SLIT2: variants seen among roughly 807,000 people sequenced by gnomAD.
SLIT2 encodes the protein slit homolog 2 protein.
In SLIT2, 41 loss-of-function variants were observed where a neutral mutation model predicts 185.7. The ratio of observed to expected loss-of-function variants is 0.22; its 90% CI spans 0.17 to 0.29. The LOEUF is 0.29. Ranked by LOEUF, SLIT2 falls within the 10% of genes least tolerant of loss-of-function variation. The pLI, the probability that SLIT2 is intolerant of heterozygous loss-of-function variation, is 1.00. For missense variants in SLIT2, 1,571 were observed against 1,909.0 expected (o/e 0.82, Z 3.30); for synonymous variants, 693 against 680.2 (o/e 1.02, Z -0.29).
At chr4:20,559,872 A>G (rs952822444) in intron 26 of SLIT2, among the ~76,000 whole-genome samples, 3 of 151,952 alleles carry the variant, frequency 2.0e-5, no homozygotes, top group African/African-American at 4.8e-5. Flanking sequence ...TTGCCACCCT[A>G]TTATTGAAAC....
chr4:20,530,963 TA>T (rs879336596), intron 16 of SLIT2, among the ~76,000 whole-genome samples: 90 of 123,092 alleles, frequency 7.3e-4, no homozygotes, highest in East Asian at 4.3e-3. Flanking sequence ...CTGGAATGGC[TA>T]AAAAAAAAAA....
chr4:20,323,233 T>A (rs1181635549), intron 4 of SLIT2, among the ~76,000 whole-genome samples: 3 of 152,186 alleles, frequency 2.0e-5, no homozygotes, highest in Admixed American at 6.5e-5. Flanking sequence ...TGCAGGGTAT[T>A]TATTCGTATC....
chr4:20,518,947 A>G (rs1035418494), intron 11 of SLIT2, among the ~76,000 whole-genome samples: 1 of 151,980 alleles, frequency 6.6e-6, no homozygotes, highest in Admixed American at 6.6e-5. Context: ...ATACTTTAAC[A>G]TGCTTCTTTT....
chr4:20,253,066 A>G lies in SLIT2; in HGVS notation c.-750A>G, dbSNP rs558594692. On this transcript the variant is annotated 5_prime_UTR_variant, in exon 1 of 37. Transcript: ENST00000504154. ...CCAAGGACGCCGAGCGGGAGGCGGGATTGCCCAGACATCCTTCAGCGAAGT... is the reference window on the plus strand; with the variant it reads ...CCAAGGACGCCGAGCGGGAGGCGGGGTTGCCCAGACATCCTTCAGCGAAGT... Among the ~76,000 whole-genome samples the G allele has an allele frequency of 3.3e-5, 5 of 152,098 alleles. No individual in the cohort carries two copies. In the South Asian group the frequency reaches 1.0e-3, roughly 32 times the overall value.
At chr4:20,521,538 T>C (rs1427532525) in intron 12 of SLIT2, among the ~76,000 whole-genome samples, 1 of 152,224 alleles carries the variant, frequency 6.6e-6, no homozygotes, top group East Asian at 1.9e-4. Flanking sequence ...CACAATTTCA[T>C]TGTCCTTGTT....
At chr4:20,433,905 C>G (rs1231929071) in intron 4 of SLIT2, among the ~76,000 whole-genome samples, 1 of 152,150 alleles carries the variant, frequency 6.6e-6, no homozygotes, top group Admixed American at 6.5e-5. Context: ...CTGACCCCCC[C>G]AAATCTTTCT....
intron 9 of SLIT2, among the ~76,000 whole-genome samples, chr4:20,495,927 C>G (rs1391562622): frequency 6.6e-6 from 1 of 151,996 alleles, no homozygotes; most frequent in African/African-American, 2.4e-5. Context: ...GTGGAAATAT[C>G]TTTATAGATG....
chr4:20,341,154 A>C (rs1257064038), intron 4 of SLIT2, among the ~76,000 whole-genome samples: 1 of 152,222 alleles, frequency 6.6e-6, no homozygotes, highest in Non-Finnish European at 1.5e-5. Context: ...TTGTAGGAGT[A>C]TTTGAAAGTA....
chr4:20,292,619 G>A (rs1198563804), intron 4 of SLIT2, among the ~76,000 whole-genome samples: 2 of 152,088 alleles, frequency 1.3e-5, no homozygotes, highest in African/African-American at 2.4e-5. Context: ...TTTTTTATTA[G>A]CAATGATAAA....
intron 22 of SLIT2, among the ~76,000 whole-genome samples, chr4:20,547,922 A>G (rs999482831): frequency 2.0e-5 from 3 of 152,034 alleles, no homozygotes; most frequent in Non-Finnish European, 2.9e-5. Flanking sequence ...TGTGACCATG[A>G]CTCAGCCAGG....
In SLIT2 at chr4:20,569,020, A is replaced by C. The variant is rs1393577769; in HGVS notation, c.3088+16A>C. 2 of 1,609,474 alleles carry C rather than the reference A, an allele frequency of 1.2e-6. No individual in the cohort carries two copies. Among genetic ancestry groups the C allele is most frequent in the East Asian group, 4.5e-5 (2 of 44,732 alleles). ...GAGTATACAGGTACAAATAATAGGAAATATTTTGCCTTCCATCAGTATATC... is the reference window on the plus strand; with the variant it reads ...GAGTATACAGGTACAAATAATAGGACATATTTTGCCTTCCATCAGTATATC... On this transcript the variant is annotated intron_variant, in intron 29 of 36. Coordinates refer to ENST00000504154, the MANE Select transcript of SLIT2 (RefSeq NM_004787.4).
intron 4 of SLIT2, among the ~76,000 whole-genome samples, chr4:20,384,186 A>G (rs1401962071): frequency 6.6e-6 from 1 of 152,136 alleles, no homozygotes; most frequent in Non-Finnish European, 1.5e-5. Flanking sequence ...ATATGTATGT[A>G]CAATGGAATA....
chr4:20,525,033 AT>A, intron 14 of SLIT2, 115 bp from the exon 15 acceptor site: 1 of 740,348 alleles, frequency 1.4e-6, no homozygotes, highest in Non-Finnish European at 2.4e-6. Context: ...AGCTGTGAAT[AT>A]ACATTTTTCA....
At position 20,254,468 on chromosome 4, in the gene SLIT2, C is replaced by G. The variant is rs1394122652; in HGVS notation, c.179+474C>G. Among the ~76,000 whole-genome samples, 3 of 152,110 alleles carry G rather than the reference C, an allele frequency of 2.0e-5. No individual in the cohort carries two copies. The highest frequency in any genetic ancestry group is 6.5e-5 in the Admixed American group (1 of 15,272). On this transcript the variant is annotated intron_variant, in intron 1 of 36. Coordinates refer to ENST00000504154, the MANE Select transcript of SLIT2 (RefSeq NM_004787.4). This position sits in a 1 kb window ranked among gnomAD's most constrained non-coding sequence, Gnocchi z 5.1. ...TCAAAAGAGAGAAACTTGCCTTCCCCGATTTTTTGTCACCCTCCTGGGGGC... is the reference window on the plus strand; with the variant it reads ...TCAAAAGAGAGAAACTTGCCTTCCCGGATTTTTTGTCACCCTCCTGGGGGC...
chr4:20,289,289 G>A (rs866089500), intron 4 of SLIT2, among the ~76,000 whole-genome samples: 24 of 152,032 alleles, frequency 1.6e-4, no homozygotes, highest in African/African-American at 5.6e-4. Context: ...CTCATAGAGG[G>A]ATAATAAAAC....
At chr4:20,544,123 C>T (rs976603189) in intron 21 of SLIT2, among the ~76,000 whole-genome samples, 9 of 151,574 alleles carry the variant, frequency 5.9e-5, no homozygotes, top group South Asian at 2.1e-4. Flanking sequence ...TGTATACATA[C>T]GTAACAAACC....
At chr4:20,548,373 C>A in intron 22 of SLIT2, 115 bp from the exon 23 acceptor site, 1 of 611,190 alleles carries the variant, frequency 1.6e-6, no homozygotes, top group Non-Finnish European at 2.9e-6. Flanking sequence ...TTTCAGATAA[C>A]AGCTGAATGC....
chr4:20,518,125 A>T (rs560336208), intron 11 of SLIT2, among the ~76,000 whole-genome samples: 3 of 143,114 alleles, frequency 2.1e-5, no homozygotes, highest in African/African-American at 5.4e-5. Flanking sequence ...ATACATATAT[A>T]TACATATACA....
At chr4:20,602,085 T>A (rs1376459827) in intron 33 of SLIT2, among the ~76,000 whole-genome samples, 1 of 152,164 alleles carries the variant, frequency 6.6e-6, no homozygotes, top group East Asian at 1.9e-4. Context: ...TATTTTTGGT[T>A]AAAATTTATT....
Sources: allele counts gnomAD v4.1 joint callset (sites outside exome capture counted in the v4.1 genomes callset), GRCh38; gene constraint gnomAD v4.1.1; non-coding constraint Gnocchi (gnomAD v3.1); transcripts MANE v1.5; gene names NCBI Gene and HGNC (gene_info 2026-07-23, HGNC 2026-07-21).